Variants in HAUS8 observed in about 807,000 individuals in gnomAD.
HAUS8 encodes HAUS augmin like complex subunit 8.
HAUS8 carries 38 observed loss-of-function variants against 42.9 expected under a neutral mutation model. The ratio of observed to expected loss-of-function variants is 0.89; its 90% confidence interval spans 0.68 to 1.16. The LOEUF (loss-of-function observed/expected upper bound fraction) is 1.16. Ranked by LOEUF, HAUS8 falls within the 50% of genes most tolerant of loss-of-function variation. The pLI, the probability that HAUS8 is intolerant of heterozygous loss-of-function variation, is 0.00. For missense variants in HAUS8, 494 were observed against 511.6 expected, an observed-to-expected ratio of 0.97 and a Z score of 0.33; for synonymous variants, 199 against 205.8, an observed-to-expected ratio of 0.97 and a Z score of 0.28.
At chr19:17,066,080 C>G (rs117193992) in intron 3 of HAUS8, among the ~76,000 whole-genome samples, 1 of 152,000 alleles carries the variant, frequency 6.6e-6, no homozygotes, top group Non-Finnish European at 1.5e-5. Flanking sequence ...CTCAGCCTCC[C>G]GAGTAGCTGG....
At chr19:17,073,415 T>C in intron 1 of HAUS8, 80 bp from the exon 2 acceptor site, 2 of 1,330,660 alleles carry the variant, frequency 1.5e-6, no homozygotes, top group South Asian at 2.3e-5. Context: ...CTCTGCTAGT[T>C]GAAGCTCAGA....
chr19:17,065,719 C>A (rs1486405417), intron 3 of HAUS8, among the ~76,000 whole-genome samples: 1 of 151,888 alleles, frequency 6.6e-6, no homozygotes, highest in East Asian at 1.9e-4. Context: ...CCCAGCTACT[C>A]CAGAGGCTGA....
chr19:17,065,396 C>G lies in HAUS8; in HGVS notation c.148-2617G>C, dbSNP rs374227179. The stretch of plus-strand genomic sequence containing the variant: ...CCAGAGAGGGTCCTGCCTCATACCC[C>G]AGAGGAAAAAACGCAACAGAGGCCA... On this transcript the variant is annotated intron_variant, in intron 3 of 10. Transcript: ENST00000253669. 7.9e-5 allele frequency among the ~76,000 whole-genome samples: 12 copies of G among 152,128 alleles called. No individual in the cohort carries two copies. In the South Asian group the frequency reaches 2.5e-3, roughly 32 times the overall value.
chr19:17,067,180 G>A (rs931051719), intron 3 of HAUS8, among the ~76,000 whole-genome samples: 28 of 149,152 alleles, frequency 1.9e-4, no homozygotes, highest in Admixed American at 4.1e-4. Context: ...ACTCCAGCCT[G>A]GGCAACAGAG....
chr19:17,073,719 T>A (rs1487020600), intron 1 of HAUS8: 1 of 227,294 alleles, frequency 4.4e-6, no homozygotes, highest in African/African-American at 2.3e-5. Flanking sequence ...AACAACATCT[T>A]GACAGGCAGG....
chr19:17,072,176 G>A (rs568192514), intron 2 of HAUS8, among the ~76,000 whole-genome samples: 19 of 152,190 alleles, frequency 1.2e-4, no homozygotes, highest in African/African-American at 4.6e-4. Context: ...ACCCAGCAAT[G>A]CTGAAACATA....
At chr19:17,053,157 G>C (rs2057298692) in intron 9 of HAUS8, 191 bp from the exon 10 acceptor site, 5 of 627,210 alleles carry the variant, frequency 8.0e-6, no homozygotes, top group Non-Finnish European at 1.4e-5. Context: ...TGAGATTGTG[G>C]GACAGGCACA....
chr19:17,060,299 G>A (rs1320393683), intron 4 of HAUS8: 3 of 526,658 alleles, frequency 5.7e-6, no homozygotes, highest in Non-Finnish European at 1.0e-5. Flanking sequence ...AGTACCACTA[G>A]AAGACAGAGA....
chr19:17,064,511 A>G (rs1195049644), intron 3 of HAUS8, among the ~76,000 whole-genome samples: 1 of 152,254 alleles, frequency 6.6e-6, no homozygotes, highest in Non-Finnish European at 1.5e-5. Context: ...TGGAACTAGC[A>G]TAAGGATGCA....
At chr19:17,070,832 G>A (rs887299933) in intron 2 of HAUS8, among the ~76,000 whole-genome samples, 4 of 152,204 alleles carry the variant, frequency 2.6e-5, no homozygotes, top group Non-Finnish European at 4.4e-5. Context: ...CACTTTGGGA[G>A]GCCAAGGCAG....
At chr19:17,071,452 C>T (rs1052531656) in intron 2 of HAUS8, among the ~76,000 whole-genome samples, 1 of 152,178 alleles carries the variant, frequency 6.6e-6, no homozygotes, top group Admixed American at 6.5e-5. Context: ...TCTCCAAGGG[C>T]TGAGGCCAGG....
chr19:17,075,455 C>T (rs765726889), upstream of HAUS8: 3 of 1,612,840 alleles, frequency 1.9e-6, no homozygotes, highest in Non-Finnish European at 2.5e-6. Flanking sequence ...CCCGACCCGC[C>T]GGCTTTTCAA....
Position 17,055,904 on chromosome 19 carries a change from G to T in HAUS8, c.744C>A (p.Pro248=). The T allele has an allele frequency of 6.2e-7, 1 of 1,614,146 alleles. No individual in the cohort carries two copies. The highest frequency in any genetic ancestry group is 8.5e-7 in the Non-Finnish European group (1 of 1,180,022). The change falls in exon 9 of 11, where the codon CCC becomes CCA. Residue 248 remains proline (P), a synonymous_variant. Coordinates refer to ENST00000253669, the MANE Select transcript of HAUS8 (RefSeq NM_033417.2). ...CTCCCTCCAGGTGGATGGACCTCAC[G>T]GGCAGCTCGTGCCTGGTAGTGTCCA... ...TALDTTRHEL[P]VRSIHLEGDG...
chr19:17,071,737 C>T (rs1480778687), intron 2 of HAUS8, among the ~76,000 whole-genome samples: 3 of 152,162 alleles, frequency 2.0e-5, no homozygotes, highest in South Asian at 2.1e-4. Context: ...TGGCTCACAC[C>T]TGTAATCCCA....
At chr19:17,050,277 A>G (rs1350730937) in intron 10 of HAUS8, 101 bp from the exon 11 acceptor site, 3 of 846,332 alleles carry the variant, frequency 3.5e-6, no homozygotes, top group South Asian at 2.8e-5. Context: ...GGATTTTCAC[A>G]TGCCCTACGT....
chr19:17,063,843 G>A (rs1003636067), intron 3 of HAUS8, among the ~76,000 whole-genome samples: 3 of 152,086 alleles, frequency 2.0e-5, no homozygotes, highest in African/African-American at 4.8e-5. Context: ...GGCTCCCCTG[G>A]TCTCAGCCCT....
At chr19:17,057,388 A>G (rs868802824) in intron 8 of HAUS8, among the ~76,000 whole-genome samples, 3 of 152,130 alleles carry the variant, frequency 2.0e-5, no homozygotes, top group African/African-American at 4.8e-5. Flanking sequence ...ATTGGGTGTC[A>G]CTATGTTGCC....
intron 2 of HAUS8, among the ~76,000 whole-genome samples, chr19:17,069,807 G>A (rs928130888): frequency 2.0e-5 from 3 of 151,852 alleles, no homozygotes; most frequent in Non-Finnish European, 2.9e-5. Context: ...CTTGGTCTCA[G>A]CAGGTGACCT....
Position 17,062,930 on chromosome 19 carries a change from A to G in HAUS8, c.148-151T>C, listed in dbSNP as rs554083824. 99 of 594,808 alleles carry G rather than the reference A, an allele frequency of 1.7e-4. 2 individuals are homozygous for G. The East Asian group carries it at 2.8e-3, about 17-fold the overall frequency. The allele number at this position is 594,808 out of a possible 1,614,324, so 36.8% of individuals were successfully genotyped here. On this transcript the variant is annotated intron_variant, in intron 3 of 10. Coordinates refer to ENST00000253669, the MANE Select transcript of HAUS8 (RefSeq NM_033417.2). ...GTTTGAAATCTTACCTCATATACAC[A>G]GGACAAACAAATTTTGTCAAAATGT...
Sources: gnomAD v4.1 joint callset for allele counts (sites outside exome capture counted in the v4.1 genomes callset) on GRCh38, gnomAD v4.1.1 for gene constraint, MANE v1.5 for transcripts, NCBI Gene and HGNC (gene_info 2026-07-23, HGNC 2026-07-21) for gene names.